NHSL1: variants seen among roughly 807,000 people sequenced by gnomAD.
NHSL1 encodes the protein NHS-like protein 1.
In NHSL1, 48 loss-of-function variants were observed where a neutral mutation model predicts 95.0. The ratio of observed to expected loss-of-function variants is 0.51; its 90% CI spans 0.40 to 0.64. NHSL1 has a LOEUF of 0.64. Ranked by LOEUF, NHSL1 falls within the 30% of genes least tolerant of loss-of-function variation. The probability of loss-of-function intolerance (pLI) is 0.00; values close to 1 mark genes in which losing one functional copy is unlikely to be tolerated. For missense variants in NHSL1, 1,971 were observed against 2,077.7 expected, an observed-to-expected ratio of 0.95 and a Z score of 1.00; for synonymous variants, 783 against 833.9, an observed-to-expected ratio of 0.94 and a Z score of 1.05.
At chr6:138,558,305 G>C (rs1047159562) in intron 1 of NHSL1, among the ~76,000 whole-genome samples, 1 of 150,814 alleles carries the variant, frequency 6.6e-6, no homozygotes, top group Non-Finnish European at 1.5e-5. Flanking sequence ...TGTATTTTTA[G>C]TAGAGATGTG....
intron 3 of NHSL1, among the ~76,000 whole-genome samples, chr6:138,447,973 T>C (rs1776972691): frequency 6.6e-6 from 1 of 152,214 alleles, no homozygotes. Flanking sequence ...TGTTCAACTA[T>C]TTGTGCTCTT....
chr6:138,629,511 T>C (rs1222361611), intron 1 of NHSL1, among the ~76,000 whole-genome samples: 1 of 152,168 alleles, frequency 6.6e-6, no homozygotes, highest in East Asian at 1.9e-4. Flanking sequence ...GCCTCCCATG[T>C]AGCTGGGATT....
At chr6:138,691,893 G>T (rs1271344427) in intron 1 of NHSL1, 3 of 456,694 alleles carry the variant, frequency 6.6e-6, no homozygotes, top group Non-Finnish European at 1.3e-5. Flanking sequence ...GTCAGTCTGG[G>T]AGAAGAAAGA....
intron 4 of NHSL1, among the ~76,000 whole-genome samples, chr6:138,445,563 A>G (rs1299293539): frequency 6.6e-6 from 1 of 152,240 alleles, no homozygotes; most frequent in African/African-American, 2.4e-5. Context: ...TGAATTGAAA[A>G]TAATTCATGC....
At chr6:138,452,820 C>CTT (rs112050516) in intron 3 of NHSL1, among the ~76,000 whole-genome samples, 105 of 149,636 alleles carry the variant, frequency 7.0e-4, no homozygotes, top group African/African-American at 2.0e-3. Context: ...TCTGTGCATT[C>CTT]TTTTTTTTTT....
intron 2 of NHSL1, among the ~76,000 whole-genome samples, chr6:138,478,764 T>C (rs952511013): frequency 6.6e-5 from 10 of 152,220 alleles, no homozygotes; most frequent in Admixed American, 5.2e-4. Flanking sequence ...ACTGTGTTAT[T>C]GTTCTCACAC....
chr6:138,654,013 C>T (rs1785125374), intron 1 of NHSL1, among the ~76,000 whole-genome samples: 1 of 152,206 alleles, frequency 6.6e-6, no homozygotes, highest in Non-Finnish European at 1.5e-5. Context: ...ATAAAATTTA[C>T]TCCTGCCAAT....
Position 138,436,091 on chromosome 6 carries a change from G to A in NHSL1, c.665-2411C>T, listed in dbSNP as rs1403612947. On this transcript the variant is annotated intron_variant, in intron 5 of 7. Coordinates refer to ENST00000343505, the MANE Select transcript of NHSL1 (RefSeq NM_001144060.2). ...TGAGATACAACAATAATGAAATTAG[G>A]TCAATTAATAACCCTACAATAGCCT... is the stretch of plus-strand genomic sequence containing the variant. Among the ~76,000 whole-genome samples, 3 of 152,012 alleles carry A rather than the reference G, an allele frequency of 2.0e-5. No homozygotes were observed. The East Asian group carries it at 5.8e-4, about 29-fold the overall frequency.
Position 138,431,407 on chromosome 6 carries a change from T to A in NHSL1, c.2938A>T (p.Ile980Phe), listed in dbSNP as rs1483556726. The A allele has an allele frequency of 6.5e-7, 1 of 1,547,094 alleles. No individual in the cohort carries two copies. The highest frequency in any genetic ancestry group is 1.4e-5 in the African/African-American group (1 of 71,736). ...CAATCAGGTGGGGAGCAGAAAGGAA[T>A]GAGAGCTTCTGGCGGCGGAGGGGGG... ...VFPPPPPEAL[I>F]PFCSPPDWCL... The change falls in exon 6 of 8, where the codon ATT becomes TTT. Residue 980 changes from isoleucine to phenylalanine, a missense_variant. Ile to Phe is a conservative substitution (Grantham distance 21). Coordinates refer to ENST00000343505, the MANE Select transcript of NHSL1 (RefSeq NM_001144060.2). The surrounding 1 kb of genome is among the most constrained non-coding windows in gnomAD (Gnocchi z 4.0).
rs1308267155 is a variant in NHSL1 at position 138,447,023 on chromosome 6, G to A, written c.510C>T (p.Asp170=). 3 of 1,551,544 alleles carry A rather than the reference G, an allele frequency of 1.9e-6. No individual in the cohort carries two copies. Among genetic ancestry groups the A allele is most frequent in the Non-Finnish European group, 1.7e-6 (2 of 1,146,972 alleles). ...TACCAGTTATGTTAATAGGCACCAC[G>A]TCAGCCTGGACTGTTTGGGCTTGCT... is the stretch of plus-strand genomic sequence containing the variant. ...MRQQAQTVQA[D]VVPINITGEN... Residue 170 remains aspartate, a synonymous_variant, in exon 4 of 8, where the codon GAC becomes GAT. Transcript: ENST00000343505.
rs148633914 is a variant in NHSL1 at position 138,622,377 on chromosome 6, G to A, written c.96+70099C>T. Among the ~76,000 whole-genome samples, 63 of 152,150 alleles carry A rather than the reference G, an allele frequency of 4.1e-4. 1 individual carries two copies. The East Asian group carries it at 7.5e-3, about 18-fold the overall frequency. On this transcript the variant is annotated intron_variant, in intron 1 of 3. Transcript: ENST00000491526. ...AAAATAGCCGGGCGTGGCCGCATGC[G>A]CCTGTAGTCCCAGCTGCTGGGGAGG...
At chr6:138,663,251 T>C (rs1217430759) in intron 1 of NHSL1, among the ~76,000 whole-genome samples, 2 of 152,112 alleles carry the variant, frequency 1.3e-5, no homozygotes, top group Admixed American at 1.3e-4. Flanking sequence ...GCTGTCATTG[T>C]ATATGTCTGT....
chr6:138,669,027 C>T (rs1404351939), intron 1 of NHSL1, among the ~76,000 whole-genome samples: 2 of 152,158 alleles, frequency 1.3e-5, no homozygotes, highest in African/African-American at 4.8e-5. Flanking sequence ...GTCACCATCT[C>T]AGAGTAAAAC....
chr6:138,480,104 G>C (rs891821747), intron 2 of NHSL1, among the ~76,000 whole-genome samples: 1 of 152,170 alleles, frequency 6.6e-6, no homozygotes. Flanking sequence ...CTTAGATTGC[G>C]TGAGAAAGGC....
upstream of NHSL1, among the ~76,000 whole-genome samples, chr6:138,572,847 G>GTAGATAGATAGATAGATAGATAGATAGA (rs60380179): frequency 1.4e-4 from 21 of 149,852 alleles, no homozygotes; most frequent in African/African-American, 3.7e-4. Flanking sequence ...GCTTAATACA[G>GTAGATAGATAGATAGATAGATAGATAGA]TAGATAGATA....
chr6:138,585,030 C>A (rs1784112434), intron 1 of NHSL1, among the ~76,000 whole-genome samples: 1 of 152,230 alleles, frequency 6.6e-6, no homozygotes. Context: ...ATGCTACAGA[C>A]ACCCGGGCCT....
rs1033670684 is a variant in NHSL1 at position 138,499,228 on chromosome 6, C to T, written c.58+5G>A. 1 of 1,517,044 alleles carries T rather than the reference C, an allele frequency of 6.6e-7. No homozygotes were observed. The highest frequency in any genetic ancestry group is 9.0e-7 in the Non-Finnish European group (1 of 1,116,042). The allele number at this position is 1,517,044 out of a possible 1,614,324, so 94.0% of individuals were successfully genotyped here. A position where few individuals can be genotyped will look rare whatever the true frequency, so the allele number is the denominator to read the frequency against. ...TAGGTAGTAGAGAGAAAAGGAACTACTTACTTTTCTTCTTAAAAAGTTTAA... is the reference window on the plus strand; with the variant it reads ...TAGGTAGTAGAGAGAAAAGGAACTATTTACTTTTCTTCTTAAAAAGTTTAA... On this transcript the variant is annotated splice_donor_5th_base_variant and intron_variant, in intron 1 of 7. Transcript: ENST00000343505.
intron 3 of NHSL1, among the ~76,000 whole-genome samples, chr6:138,447,792 A>C (rs1776959848): frequency 6.6e-6 from 1 of 152,178 alleles, no homozygotes; most frequent in South Asian, 2.1e-4. Flanking sequence ...TTAAAAAGAA[A>C]GTTCGTGGGT....
Position 138,430,721 on chromosome 6 carries a change from C to G in NHSL1, c.3624G>C (p.Pro1208=). ...KPKLFLVVPP[P]QKDFAVEPAE... ...CGGGCTCCACTGCAAAATCTTTCTGCGGAGGTGGTACCACCAGGAACAGTT... is the reference window on the plus strand; with the variant it reads ...CGGGCTCCACTGCAAAATCTTTCTGGGGAGGTGGTACCACCAGGAACAGTT... Residue 1208 remains proline (P), a synonymous_variant, in exon 6 of 8, where the codon CCG becomes CCC. Transcript: ENST00000343505. The surrounding 1 kb of genome is among the most constrained non-coding windows in gnomAD (Gnocchi z 4.7). The G allele has an allele frequency of 6.4e-7, 1 of 1,551,698 alleles. No homozygotes were observed. Among genetic ancestry groups the G allele is most frequent in the Non-Finnish European group, 8.7e-7 (1 of 1,147,016 alleles).
Sources: gnomAD v4.1 joint callset for allele counts (sites outside exome capture counted in the v4.1 genomes callset) on GRCh38, gnomAD v4.1.1 for gene constraint, Gnocchi (gnomAD v3.1) non-coding constraint, MANE v1.5 for transcripts, NCBI Gene and HGNC (gene_info 2026-07-23, HGNC 2026-07-21) for gene names.